The following DDX31 variants were observed in gnomAD, a reference collection of about 807,000 sequenced individuals.
DDX31 encodes ATP-dependent DNA helicase DDX31.
Under a neutral mutation model 91.3 loss-of-function variants are expected in DDX31, and 70 were observed. The observed-to-expected ratio is 0.77, with a 90% CI of 0.63 to 0.94. The LOEUF is 0.94. Ranked by LOEUF, DDX31 falls within the 40% of genes least tolerant of loss-of-function variation. DDX31 has a pLI of 0.00. For synonymous variants in DDX31, 362 were observed against 350.6 expected (o/e 1.03, Z -0.36); for missense variants, 902 against 925.0 (o/e 0.98, Z 0.32).
At chr9:132,635,758 C>G (rs933440236) in intron 14 of DDX31, among the ~76,000 whole-genome samples, 2 of 151,680 alleles carry the variant, frequency 1.3e-5, no homozygotes, top group Admixed American at 6.6e-5. Context: ...CCAGCTTGAC[C>G]AACATGGTGA....
Position 132,630,267 on chromosome 9 carries a change from A to G in DDX31, c.1628T>C (p.Ile543Thr). 6.3e-7 allele frequency: 1 copy of G among 1,575,028 alleles called. No homozygotes were observed. Residue 543 changes from isoleucine (I) to threonine (T), a missense_variant, in exon 16 of 20, where the codon ATC (isoleucine) becomes ACC (threonine). Ile to Thr is a moderately conservative substitution (Grantham distance 89). Transcript: ENST00000372159. ...CCCATTCAGGTTTCTGACTCACTTG[A>G]TTTTGTGAGAAGCCAACGAGTTGAC... ...EYVNSLASHKINVSEIKMEDI... is the reference protein window; with the variant it reads ...EYVNSLASHKTNVSEIKMEDI...
chr9:132,633,844 T>C (rs922445123), intron 14 of DDX31, among the ~76,000 whole-genome samples: 10 of 152,202 alleles, frequency 6.6e-5, no homozygotes, highest in Admixed American at 1.3e-4. Flanking sequence ...AGAGTATCAC[T>C]TATGACATAT....
At chr9:132,636,521 A>G (rs1449237980) in intron 14 of DDX31, among the ~76,000 whole-genome samples, 10 of 152,228 alleles carry the variant, frequency 6.6e-5, no homozygotes, top group Admixed American at 5.9e-4. Flanking sequence ...TAAAGACTCT[A>G]AAATAACATG....
chr9:132,666,613 C>T (rs1835324073), intron 1 of DDX31, among the ~76,000 whole-genome samples: 1 of 152,106 alleles, frequency 6.6e-6, no homozygotes, highest in Non-Finnish European at 1.5e-5. Context: ...CCACTGGTTC[C>T]TGGGTTCAAG....
chr9:132,612,075 A>C lies in DDX31; in HGVS notation c.1994+12T>G, dbSNP rs1308644729. On this transcript the variant is annotated intron_variant, in intron 19 of 19. Coordinates refer to ENST00000372159, the MANE Select transcript of DDX31 (RefSeq NM_022779.9). ...TCTAGCCCCGTCACGGGACGAATTC[A>C]GCTCATCTTACCTTTTCACGTGTGC... is the stretch of plus-strand genomic sequence containing the variant. 6.2e-7 allele frequency: 1 copy of C among 1,610,532 alleles called. No homozygotes were observed. The highest frequency in any genetic ancestry group is 2.2e-5 in the East Asian group (1 of 44,800).
chr9:132,622,281 G>C (rs1832074939), intron 17 of DDX31, among the ~76,000 whole-genome samples: 1 of 152,222 alleles, frequency 6.6e-6, no homozygotes, highest in Non-Finnish European at 1.5e-5. Flanking sequence ...TATCTATCTG[G>C]GACCTGGCTC....
rs1564264636 is a variant in DDX31 at position 132,593,300 on chromosome 9, A to C, written c.*1566T>G. The C allele has an allele frequency of 6.6e-6, 1 of 152,212 alleles. No individual in the cohort carries two copies. Among genetic ancestry groups the C allele is most frequent in the Non-Finnish European group, 1.5e-5 (1 of 68,038 alleles). The allele number at this position is 152,212 out of a possible 1,614,324, so 9.4% of individuals were successfully genotyped here. A position where few individuals can be genotyped will look rare whatever the true frequency, so the allele number is the denominator to read the frequency against. On this transcript the variant is annotated 3_prime_UTR_variant, in exon 20 of 20. Transcript: ENST00000372159. ...AATGAGTACTGGGGGAGAAAAAGTAAGGTTTCTCTTTGATCATCCCCAATC... is the reference window on the plus strand; with the variant it reads ...AATGAGTACTGGGGGAGAAAAAGTACGGTTTCTCTTTGATCATCCCCAATC...
chr9:132,660,883 T>G (rs1834892603), intron 4 of DDX31, among the ~76,000 whole-genome samples: 1 of 152,206 alleles, frequency 6.6e-6, no homozygotes. Context: ...TTCTTACTAC[T>G]AAGAAACGAC....
chr9:132,658,612 CA>C, intron 6 of DDX31, 58 bp downstream of exon 6: 1 of 1,455,862 alleles, frequency 6.9e-7, no homozygotes, highest in Non-Finnish European at 9.5e-7. Flanking sequence ...TGTTATGCTT[CA>C]GTTTGATGGT....
intron 4 of DDX31, among the ~76,000 whole-genome samples, 164 bp from the exon 5 acceptor site, chr9:132,659,944 A>G (rs1450484361): frequency 6.6e-6 from 1 of 152,244 alleles, no homozygotes; most frequent in Admixed American, 6.5e-5. Context: ...ACTTTTGATG[A>G]TTATAAAGAT....
At chr9:132,626,814 C>T (rs1031252066) in intron 16 of DDX31, among the ~76,000 whole-genome samples, 1 of 152,112 alleles carries the variant, frequency 6.6e-6, no homozygotes, top group Non-Finnish European at 1.5e-5. Flanking sequence ...ACACCCCCAG[C>T]CCTCACCCCT....
chr9:132,614,920 T>C (rs183181390), intron 18 of DDX31, among the ~76,000 whole-genome samples: 2 of 152,250 alleles, frequency 1.3e-5, no homozygotes, highest in East Asian at 1.9e-4. Flanking sequence ...ACTCCCATGT[T>C]TGGATAATTC....
chr9:132,609,173 G>A (rs554795354), intron 19 of DDX31, among the ~76,000 whole-genome samples: 24 of 152,190 alleles, frequency 1.6e-4, no homozygotes, highest in Admixed American at 1.4e-3. Context: ...GCATTGTCAC[G>A]GGCGGAGTAA....
Position 132,612,089 on chromosome 9 carries a change from T to C in DDX31, c.1992A>G (p.Lys664=). 6.2e-7 allele frequency: 1 copy of C among 1,613,334 alleles called. No individual in the cohort carries two copies. The change falls in exon 19 of 20, where the codon AAA becomes AAG. Residue 664 remains lysine (K), a splice_region_variant and synonymous_variant. Coordinates refer to ENST00000372159, the MANE Select transcript of DDX31 (RefSeq NM_022779.9). ...LTRKKRKAHV[K]RPDLHKKTQS... is the part of the protein sequence containing the mutation. ...GGGACGAATTCAGCTCATCTTACCT[T>C]TTCACGTGTGCTTTCCTCTTCTTTC...
intron 16 of DDX31, 103 bp from the exon 17 acceptor site, chr9:132,625,848 G>A (rs1446933529): frequency 1.3e-5 from 10 of 773,656 alleles, no homozygotes; most frequent in Non-Finnish European, 2.1e-5. Flanking sequence ...TAGACATGAA[G>A]TAGAAGTGAC....
chr9:132,637,981 T>C, intron 14 of DDX31: 1 of 1,022,466 alleles, frequency 9.8e-7, no homozygotes, highest in East Asian at 8.9e-5. Flanking sequence ...GGAGAGGAAA[T>C]TAAGAACTGC....
At chr9:132,668,629 A>T (rs411487) in intron 1 of DDX31, among the ~76,000 whole-genome samples, 1 of 148,828 alleles carries the variant, frequency 6.7e-6, no homozygotes. Flanking sequence ...GTGCAATGGC[A>T]TGATCTCGGC....
intron 1 of DDX31, among the ~76,000 whole-genome samples, chr9:132,666,372 T>C (rs1394432519): frequency 1.3e-5 from 2 of 152,006 alleles, no homozygotes; most frequent in Non-Finnish European, 2.9e-5. Context: ...GAAAACATCA[T>C]GTGTAGTGAT....
In DDX31 at chr9:132,662,292, G is replaced by T. The variant is rs1046091733; in HGVS notation, c.377C>A (p.Ala126Asp). Residue 126 changes from alanine to aspartate, a missense_variant, in exon 3 of 20, where the codon GCT becomes GAT. Coordinates refer to ENST00000372159, the MANE Select transcript of DDX31 (RefSeq NM_022779.9). ...TGGGTGGAGGCCCAGCTCATGAAAA[G>T]CAGCTGAAGTAAACACTTTTTCTTG... is the stretch of plus-strand genomic sequence containing the variant. ...QVQEKVFTSA[A>D]FHELGLHPHL... The T allele has an allele frequency of 1.2e-6, 2 of 1,614,088 alleles. No homozygotes were observed. Among genetic ancestry groups the T allele is most frequent in the African/African-American group, 2.7e-5 (2 of 74,934 alleles).
Sources: gnomAD v4.1 joint callset for allele counts (sites outside exome capture counted in the v4.1 genomes callset) on GRCh38, gnomAD v4.1.1 for gene constraint, MANE v1.5 for transcripts, NCBI Gene and HGNC (gene_info 2026-07-23, HGNC 2026-07-21) for gene names.